Variants in PRC1 observed in about 807,000 individuals in gnomAD.
PRC1 encodes the protein protein regulator of cytokinesis 1, also known as anaphase spindle elongation 1 homolog.
PRC1 carries 54 observed loss-of-function variants against 91.2 expected under a neutral mutation model. The ratio of observed to expected loss-of-function variants is 0.59; its 90% CI spans 0.48 to 0.74. The LOEUF is 0.74. Ranked by LOEUF, PRC1 falls within the 30% of genes least tolerant of loss-of-function variation. The probability of loss-of-function intolerance (pLI) is 0.00; values close to 1 mark genes in which losing one functional copy is unlikely to be tolerated. For missense variants in PRC1, 727 were observed against 746.2 expected (o/e 0.97, Z 0.30); for synonymous variants, 275 against 263.6 (o/e 1.04, Z -0.42).
intron 1 of PRC1, among the ~76,000 whole-genome samples, chr15:90,991,765 C>G (rs2039995207): frequency 1.3e-5 from 2 of 152,168 alleles, no homozygotes; most frequent in Admixed American, 1.3e-4. Context: ...CAGGTCACCA[C>G]CACCAACTTC....
chr15:90,976,806 T>C, intron 8 of PRC1, 35 bp from the exon 9 acceptor site: 1 of 1,538,858 alleles, frequency 6.5e-7, no homozygotes, highest in Non-Finnish European at 9.0e-7. Context: ...GTGGAAAACC[T>C]GGCACCATGA....
intron 1 of PRC1, among the ~76,000 whole-genome samples, chr15:90,986,406 A>T (rs2039577697): frequency 6.6e-6 from 1 of 152,238 alleles, no homozygotes; most frequent in Admixed American, 6.5e-5. Flanking sequence ...AGGGGAGCAG[A>T]TCACTTGAGG....
In PRC1 at chr15:90,974,657, C is replaced by G; in HGVS notation, c.1278G>C (p.Gln426His). 6.2e-7 allele frequency: 1 copy of G among 1,614,236 alleles called. No homozygotes were observed. The highest frequency in any genetic ancestry group is 8.5e-7 in the Non-Finnish European group (1 of 1,180,044). ...EHSKAFMVNG[Q>H]KFMEYVAEQW... ...GTTCTGCCACATACTCCATGAATTT[C>G]TGCCCATTCACCATAAATGCCTTTG... Residue 426 changes from glutamine to histidine, a missense_variant, in exon 10 of 15, where the codon CAG becomes CAC. By Grantham distance (24) the Gln-to-His change is conservative (BLOSUM62 0). Coordinates refer to ENST00000394249, the MANE Select transcript of PRC1 (RefSeq NM_003981.4). The surrounding 1 kb of genome is among the most constrained non-coding windows in gnomAD (Gnocchi z 4.6).
At chr15:90,979,550 T>A (rs896247763) in intron 7 of PRC1, among the ~76,000 whole-genome samples, 2 of 152,242 alleles carry the variant, frequency 1.3e-5, no homozygotes, top group Non-Finnish European at 2.9e-5. Context: ...GCATCATCTC[T>A]TGCCTTGTCT....
At chr15:90,970,653 G>A in intron 11 of PRC1, 139 bp from the exon 12 acceptor site, 1 of 613,532 alleles carries the variant, frequency 1.6e-6, no homozygotes, top group East Asian at 2.8e-5. Flanking sequence ...GGCCTGCTGT[G>A]TCTAATACTG....
intron 1 of PRC1, among the ~76,000 whole-genome samples, chr15:90,989,670 A>G (rs1470127065): frequency 3.3e-5 from 5 of 152,078 alleles, no homozygotes; most frequent in African/African-American, 1.2e-4. Context: ...ATAATAGCCA[A>G]AAAGTGAAAA....
Position 90,969,132 on chromosome 15 carries a change from G to C in PRC1, c.1750-12C>G, listed in dbSNP as rs942909831. On this transcript the variant is annotated splice_polypyrimidine_tract_variant and intron_variant, in intron 13 of 14. Coordinates refer to ENST00000394249, the MANE Select transcript of PRC1 (RefSeq NM_003981.4). ...AGGGACGGATCCTTCTAAGAACAAA[G>C]AATTAAGACAATTACCAAGAACTCC... The C allele has an allele frequency of 6.2e-7, 1 of 1,609,202 alleles. No homozygotes were observed. Among genetic ancestry groups the C allele is most frequent in the Non-Finnish European group, 8.5e-7 (1 of 1,175,608 alleles).
chr15:90,978,741 G>A (rs1197102618), intron 8 of PRC1, among the ~76,000 whole-genome samples: 3 of 97,074 alleles, frequency 3.1e-5, no homozygotes, highest in East Asian at 4.2e-4. Flanking sequence ...CAACAAGAGC[G>A]AAACTCCACC....
At position 90,974,119 on chromosome 15, in the gene PRC1, CT is replaced by C; in HGVS notation, c.1461+16del. The C allele has an allele frequency of 6.2e-7, 1 of 1,606,636 alleles. No homozygotes were observed. The highest frequency in any genetic ancestry group is 8.5e-7 in the Non-Finnish European group (1 of 1,173,224). On this transcript the variant is annotated intron_variant, in intron 11 of 14. Coordinates refer to ENST00000394249, the MANE Select transcript of PRC1 (RefSeq NM_003981.4). The surrounding 1 kb of genome is among the most constrained non-coding windows in gnomAD (Gnocchi z 4.6). ...CCACTCCCTTGAAATCAGTGTTTCC[CT>C]AAGCCTTGTGTTTACCTTACGTGCT...
chr15:90,967,501 A>C (rs2037615030), intron 14 of PRC1: 1 of 332,560 alleles, frequency 3.0e-6, no homozygotes, highest in Admixed American at 4.5e-5. Flanking sequence ...ATGATGTTTC[A>C]GTTAACGACA....
intron 1 of PRC1, among the ~76,000 whole-genome samples, chr15:90,986,665 T>C (rs1308985735): frequency 6.6e-6 from 1 of 151,002 alleles, no homozygotes; most frequent in South Asian, 2.1e-4. Flanking sequence ...ACACATGATA[T>C]GGATAAAGCT....
chr15:90,967,133 A>C lies in PRC1; in HGVS notation c.1861T>G (p.Ter621GlyextTer14), dbSNP rs1238163915. ...GILNSTNIQS[*>G] is the part of the protein sequence containing the mutation. ...GCTGGTTGACTGATCAGGGCTTCTC[A>C]GGACTGGATGTTGGTTGAATTGAGG... Residue 621 changes from the stop codon to glycine (G), a stop_lost, in exon 15 of 15, where the codon TGA (stop) becomes GGA (glycine). Coordinates refer to ENST00000394249, the MANE Select transcript of PRC1 (RefSeq NM_003981.4). 8 of 1,613,478 alleles carry C rather than the reference A, an allele frequency of 5.0e-6. No homozygotes were observed. Among genetic ancestry groups the C allele is most frequent in the Non-Finnish European group, 6.8e-6 (8 of 1,179,358 alleles).
At chr15:90,988,082 A>G (rs2039713736) in intron 1 of PRC1, 1 of 152,230 alleles carries the variant, frequency 6.6e-6, no homozygotes, top group Non-Finnish European at 1.5e-5. Context: ...GGAAAAAAAG[A>G]GAAATGTTAA....
chr15:90,974,009 C>G lies in PRC1; in HGVS notation c.1461+127G>C, dbSNP rs1252156274. 7.5e-5 allele frequency: 56 copies of G among 748,924 alleles called. 1 individual carries two copies. The South Asian group carries it at 9.0e-4, about 12-fold the overall frequency. The allele number at this position is 748,924 out of a possible 1,614,324, so 46.4% of individuals were successfully genotyped here. A position where few individuals can be genotyped will look rare whatever the true frequency, so the allele number is the denominator to read the frequency against. On this transcript the variant is annotated intron_variant, in intron 11 of 14. Coordinates refer to ENST00000394249, the MANE Select transcript of PRC1 (RefSeq NM_003981.4). The surrounding 1 kb of genome is among the most constrained non-coding windows in gnomAD (Gnocchi z 4.6). ...ATACTTTGTGTCTTATTTCTTTTCT[C>G]TGTCTCTTGTCCCACCTGATGAGAA... is the stretch of plus-strand genomic sequence containing the variant.
At chr15:90,993,210 A>C (rs1173165173) in intron 1 of PRC1, among the ~76,000 whole-genome samples, 3 of 114,754 alleles carry the variant, frequency 2.6e-5, no homozygotes, top group African/African-American at 8.4e-5. Flanking sequence ...CTGTTAATGG[A>C]CTTTTTTTTT....
rs764587001 is a variant in PRC1 at position 90,967,247 on chromosome 15, C to CA, written c.1792-46dup. On this transcript the variant is annotated intron_variant, in intron 14 of 14. Coordinates refer to ENST00000394249, the MANE Select transcript of PRC1 (RefSeq NM_003981.4). ...ATCAGTGGCCATACTGCCTCTCTTA[C>CA]ACATGGCCCACCCTTCTAAGTTTGG... is the stretch of plus-strand genomic sequence containing the variant. The CA allele has an allele frequency of 2.7e-6, 4 of 1,490,864 alleles. No individual in the cohort carries two copies. The Admixed American group carries it at 6.7e-5, about 25-fold the overall frequency. 92.4% of individuals were successfully genotyped at this position (1,490,864 alleles called of 1,614,324 possible). A position where few individuals can be genotyped will look rare whatever the true frequency, so the allele number is the denominator to read the frequency against.
intron 14 of PRC1, chr15:90,967,962 A>T: frequency 3.0e-6 from 3 of 985,304 alleles, no homozygotes; most frequent in Non-Finnish European, 3.6e-6. Context: ...AGGCCTTGTA[A>T]CCTGCTGGTG....
At chr15:90,991,408 G>C (rs1363126112) in intron 1 of PRC1, among the ~76,000 whole-genome samples, 2 of 150,832 alleles carry the variant, frequency 1.3e-5, no homozygotes, top group Non-Finnish European at 3.0e-5. Context: ...CTGGGCAACA[G>C]AGCAAGACTG....
At chr15:90,972,497 A>G (rs1460212828) in intron 11 of PRC1, among the ~76,000 whole-genome samples, 2 of 152,224 alleles carry the variant, frequency 1.3e-5, no homozygotes, top group Non-Finnish European at 2.9e-5. Context: ...TAATCCCAGC[A>G]CTTTGGAAGT....
Sources: gnomAD v4.1 joint callset for allele counts (sites outside exome capture counted in the v4.1 genomes callset) on GRCh38, gnomAD v4.1.1 for gene constraint, Gnocchi (gnomAD v3.1) non-coding constraint, MANE v1.5 for transcripts, NCBI Gene and HGNC (gene_info 2026-07-23, HGNC 2026-07-21) for gene names.